PDE4D: variants seen among roughly 807,000 people sequenced by gnomAD.
PDE4D encodes phosphodiesterase 4D, also known as 3',5'-cyclic-AMP phosphodiesterase 4D.
A neutral mutation model predicts 87.4 loss-of-function variants in PDE4D; 24 were observed. The ratio of observed to expected loss-of-function variants is 0.27; its 90% CI spans 0.20 to 0.39. The LOEUF is 0.39. Ranked by LOEUF, PDE4D falls within the 10% of genes least tolerant of loss-of-function variation. The pLI is 1.00. For synonymous variants in PDE4D, 384 were observed against 383.2 expected, an observed-to-expected ratio of 1.00 and a Z score of -0.02; for missense variants, 714 against 1,041.0, an observed-to-expected ratio of 0.69 and a Z score of 4.32.
chr5:59,255,901 T>C (rs892635229), intron 1 of PDE4D, among the ~76,000 whole-genome samples: 1 of 152,146 alleles, frequency 6.6e-6, no homozygotes, highest in African/African-American at 2.4e-5. Flanking sequence ...GTCTTCCTCA[T>C]AGATGCACAG....
intron 1 of PDE4D, among the ~76,000 whole-genome samples, chr5:59,256,642 G>A (rs895505231): frequency 1.1e-4 from 17 of 152,000 alleles, no homozygotes; most frequent in African/African-American, 3.9e-4. Flanking sequence ...TTCATGGAAC[G>A]TAGGGCTATG....
chr5:59,717,823 C>G (rs1755242529), intron 1 of PDE4D, among the ~76,000 whole-genome samples: 2 of 152,206 alleles, frequency 1.3e-5, no homozygotes, highest in African/African-American at 4.8e-5. Context: ...AAACACTATA[C>G]ATATATGTAC....
chr5:59,625,341 A>C (rs1295572094), intron 1 of PDE4D, among the ~76,000 whole-genome samples: 1 of 152,142 alleles, frequency 6.6e-6, no homozygotes, highest in Non-Finnish European at 1.5e-5. Context: ...AATTGCAAGA[A>C]ACTGAATTCT....
intron 2 of PDE4D, among the ~76,000 whole-genome samples, chr5:59,196,838 G>A (rs1255583545): frequency 6.6e-6 from 1 of 152,062 alleles, no homozygotes; most frequent in East Asian, 1.9e-4. Context: ...TTCCATAATG[G>A]GAGGTATATT....
At chr5:59,588,584 G>C (rs1224113001) in intron 1 of PDE4D, among the ~76,000 whole-genome samples, 1 of 152,174 alleles carries the variant, frequency 6.6e-6, no homozygotes, top group Non-Finnish European at 1.5e-5. Flanking sequence ...AAGATTGGGT[G>C]GAGGGCATGT....
At chr5:59,598,784 T>G (rs181382132) in intron 1 of PDE4D, among the ~76,000 whole-genome samples, 2 of 152,178 alleles carry the variant, frequency 1.3e-5, no homozygotes, top group East Asian at 3.9e-4. Flanking sequence ...ACATTACTAT[T>G]AATACTAATT....
At chr5:59,025,485 T>C (rs1756043148) in intron 6 of PDE4D, among the ~76,000 whole-genome samples, 1 of 152,242 alleles carries the variant, frequency 6.6e-6, no homozygotes, top group Admixed American at 6.5e-5. Flanking sequence ...CAATCACTTG[T>C]ATTTTTGCAT....
chr5:60,109,100 C>A (rs1355604952), intron 2 of PDE4D, among the ~76,000 whole-genome samples: 1 of 151,194 alleles, frequency 6.6e-6, no homozygotes, highest in East Asian at 1.9e-4. Flanking sequence ...AAAATTTTCA[C>A]AACCTACTCA....
intron 1 of PDE4D, among the ~76,000 whole-genome samples, chr5:59,413,383 G>T (rs563338310): frequency 1.3e-5 from 2 of 150,014 alleles, no homozygotes; most frequent in African/African-American, 4.9e-5. Flanking sequence ...GCGTGAACCC[G>T]GGAGGCAGAG....
At chr5:59,043,805 A>G (rs1291086992) in intron 5 of PDE4D, among the ~76,000 whole-genome samples, 12 of 149,788 alleles carry the variant, frequency 8.0e-5, no homozygotes, top group Non-Finnish European at 1.2e-4. Context: ...AACATGCGGT[A>G]TTTGGTTTTT....
chr5:59,181,543 G>GATATATACATAT (rs1741555575), intron 4 of PDE4D, among the ~76,000 whole-genome samples: 1 of 118,944 alleles, frequency 8.4e-6, no homozygotes. Flanking sequence ...AAAGATGTCT[G>GATATATACATAT]ATATATATAT....
At chr5:59,768,741 C>T in intron 1 of PDE4D, 1 of 1,001,028 alleles carries the variant, frequency 1.0e-6, no homozygotes, top group Non-Finnish European at 1.4e-6. Context: ...TGCCAAAGAT[C>T]ACTGACAAGC....
chr5:59,565,153 T>C (rs986523516), intron 1 of PDE4D, among the ~76,000 whole-genome samples: 117 of 152,074 alleles, frequency 7.7e-4, no homozygotes, highest in African/African-American at 2.7e-3. Context: ...TCCGCTTGGC[T>C]CTTAGGTCTC....
chr5:60,496,523 C>T (rs1048873601), intron 1 of PDE4D, among the ~76,000 whole-genome samples: 3 of 152,216 alleles, frequency 2.0e-5, no homozygotes, highest in Admixed American at 6.5e-5. Context: ...GCCCACTTAG[C>T]TTTCTCTCTT....
intron 1 of PDE4D, among the ~76,000 whole-genome samples, chr5:59,218,237 A>G (rs1581436611): frequency 1.3e-5 from 2 of 152,290 alleles, no homozygotes; most frequent in East Asian, 1.9e-4. Flanking sequence ...GCTACACTTT[A>G]AAAAAGAAAA....
At chr5:59,858,704 T>C (rs1241404541) in intron 1 of PDE4D, among the ~76,000 whole-genome samples, 1 of 152,152 alleles carries the variant, frequency 6.6e-6, no homozygotes, top group Non-Finnish European at 1.5e-5. Flanking sequence ...CTCAGATTTG[T>C]TAAAAATAAT....
chr5:60,252,137 C>T (rs1176329083), intron 1 of PDE4D, among the ~76,000 whole-genome samples: 4 of 151,908 alleles, frequency 2.6e-5, no homozygotes, highest in Non-Finnish European at 5.9e-5. Flanking sequence ...TATCTAAGTA[C>T]ACTCTACAAT....
At chr5:59,438,232 A>G (rs2161513) in intron 1 of PDE4D, among the ~76,000 whole-genome samples, 21,256 of 152,224 alleles carry the variant, frequency 0.14, 2,022 homozygotes, top group Admixed American at 0.21. Context: ...TCATATCAGT[A>G]ATTCTGTTGG....
chr5:59,221,683 A>T (rs1409526932), intron 1 of PDE4D, among the ~76,000 whole-genome samples: 2 of 152,102 alleles, frequency 1.3e-5, no homozygotes, highest in African/African-American at 4.8e-5. Context: ...CCAAATCCCC[A>T]GCTTTTTCCA....
Sources: allele counts gnomAD v4.1 joint callset (sites outside exome capture counted in the v4.1 genomes callset), GRCh38; gene constraint gnomAD v4.1.1; transcripts MANE v1.5; gene names NCBI Gene and HGNC (gene_info 2026-07-23, HGNC 2026-07-21).